Variants in NPAS2 observed in about 807,000 individuals in gnomAD.
NPAS2 encodes the protein neuronal PAS domain protein 2.
In NPAS2, 23 loss-of-function variants were observed where a neutral mutation model predicts 107.5. That is an observed-to-expected ratio of 0.21 (90% confidence interval 0.15 to 0.30). NPAS2 has a LOEUF of 0.30. NPAS2 is among the 10% of genes least tolerant of loss of function. NPAS2 has a pLI of 1.00. For synonymous variants in NPAS2, 403 were observed against 417.5 expected, an observed-to-expected ratio of 0.97 and a Z score of 0.42; for missense variants, 756 against 1,043.3, an observed-to-expected ratio of 0.72 and a Z score of 3.79.
chr2:100,884,066 C>A (rs535818328), intron 1 of NPAS2, among the ~76,000 whole-genome samples: 1 of 152,178 alleles, frequency 6.6e-6, no homozygotes, highest in Admixed American at 6.5e-5. Flanking sequence ...CCCTCCAAAA[C>A]CGGGGGCAGG....
chr2:100,889,398 T>C (rs762193755), intron 1 of NPAS2, among the ~76,000 whole-genome samples: 11 of 152,244 alleles, frequency 7.2e-5, no homozygotes, highest in Non-Finnish European at 1.6e-4. Flanking sequence ...CTGTATCCAG[T>C]GGCTCTTCTA....
chr2:100,853,494 A>T (rs1225705667), intron 1 of NPAS2, among the ~76,000 whole-genome samples: 1 of 152,100 alleles, frequency 6.6e-6, no homozygotes, highest in Non-Finnish European at 1.5e-5. Flanking sequence ...TGAGAATCTC[A>T]TGCATGGACA....
At position 100,976,501 on chromosome 2, in the gene NPAS2, C is replaced by T. The variant is rs1677019948; in HGVS notation, c.1392+934C>T. On this transcript the variant is annotated intron_variant, in intron 14 of 20. Coordinates refer to ENST00000335681, the MANE Select transcript of NPAS2 (RefSeq NM_002518.4). The surrounding 1 kb of genome is among the most constrained non-coding windows in gnomAD (Gnocchi z 4.1). ...GCTCACCCATGAAGAGGGATATAGA[C>T]CTCCACTTCTAGACGGGAGAAGTAC... Among the ~76,000 whole-genome samples the T allele has an allele frequency of 6.6e-6, 1 of 152,220 alleles. No individual in the cohort carries two copies. The highest frequency in any genetic ancestry group is 3.4e-3 in the Middle Eastern group (1 of 294).
chr2:100,846,231 T>G (rs913399479), intron 1 of NPAS2, among the ~76,000 whole-genome samples: 7 of 152,246 alleles, frequency 4.6e-5, no homozygotes, highest in African/African-American at 1.7e-4. Flanking sequence ...TCATTGGTAG[T>G]CAAGGGAGAC....
At chr2:100,917,555 C>A (rs1682965768) in intron 2 of NPAS2, among the ~76,000 whole-genome samples, 2 of 151,690 alleles carry the variant, frequency 1.3e-5, no homozygotes, top group South Asian at 2.1e-4. Flanking sequence ...AATAAAAGTT[C>A]AATAAAATTG....
At chr2:100,906,337 TATGG>T (rs1682144919) in intron 2 of NPAS2, among the ~76,000 whole-genome samples, 1 of 152,158 alleles carries the variant, frequency 6.6e-6, no homozygotes, top group Non-Finnish European at 1.5e-5. Flanking sequence ...CCAGCATAGC[TATGG>T]ATGGAGCGCT....
chr2:100,866,009 G>A (rs529343280), intron 1 of NPAS2, among the ~76,000 whole-genome samples: 1 of 152,192 alleles, frequency 6.6e-6, no homozygotes, highest in African/African-American at 2.4e-5. Context: ...AGGGTGACCC[G>A]CCCCTCTTCA....
At chr2:100,882,274 G>T (rs553341999) in intron 1 of NPAS2, among the ~76,000 whole-genome samples, 1 of 152,196 alleles carries the variant, frequency 6.6e-6, no homozygotes, top group South Asian at 2.1e-4. Flanking sequence ...CACATTTGTG[G>T]ATTTGCGTAA....
chr2:100,992,393 G>C (rs926240866), intron 19 of NPAS2, among the ~76,000 whole-genome samples: 2 of 152,190 alleles, frequency 1.3e-5, no homozygotes, highest in Admixed American at 6.5e-5. Flanking sequence ...GTTAAATGTC[G>C]GCTCTGTGTC....
chr2:100,824,760 A>T (rs750013165), intron 1 of NPAS2, among the ~76,000 whole-genome samples: 4 of 152,206 alleles, frequency 2.6e-5, no homozygotes, highest in Non-Finnish European at 4.4e-5. Context: ...CTGATTTTTT[A>T]AAATATATTT....
intron 4 of NPAS2, among the ~76,000 whole-genome samples, chr2:100,936,681 T>C (rs1180667321): frequency 6.6e-6 from 1 of 151,996 alleles, no homozygotes; most frequent in African/African-American, 2.4e-5. Context: ...CAATAAACAA[T>C]CTAAAACCAG....
Position 100,976,420 on chromosome 2 carries a change from C to A in NPAS2, c.1392+853C>A, listed in dbSNP as rs1677013223. ...AACCATGCAGACCTCTGTGACCTAG[C>A]CACGGAAGTCATATAGTATCACCAC... is the stretch of plus-strand genomic sequence containing the variant. On this transcript the variant is annotated intron_variant, in intron 14 of 20. Coordinates refer to ENST00000335681, the MANE Select transcript of NPAS2 (RefSeq NM_002518.4). The surrounding 1 kb of genome is among the most constrained non-coding windows in gnomAD (Gnocchi z 4.1). Among the ~76,000 whole-genome samples, 1 of 152,070 alleles carries A rather than the reference C, an allele frequency of 6.6e-6. No homozygotes were observed. The highest frequency in any genetic ancestry group is 2.4e-5 in the African/African-American group (1 of 41,398).
At chr2:100,879,112 CAAAAAAAAAGAAA>C (rs1282707549) in intron 1 of NPAS2, among the ~76,000 whole-genome samples, 1 of 84,298 alleles carries the variant, frequency 1.2e-5, no homozygotes, top group Non-Finnish European at 2.5e-5. Context: ...GACTCTGTCT[CAAAAAAAAAGAAA>C]AAAAAAAAAA....
intron 12 of NPAS2, among the ~76,000 whole-genome samples, chr2:100,971,368 C>T (rs1224976562): frequency 1.3e-5 from 2 of 151,790 alleles, no homozygotes; most frequent in African/African-American, 4.8e-5. Context: ...AAGCACGGCT[C>T]GGCGACTTTC....
chr2:100,840,616 A>G (rs1229017103), intron 1 of NPAS2, among the ~76,000 whole-genome samples: 2 of 150,522 alleles, frequency 1.3e-5, no homozygotes, highest in African/African-American at 2.4e-5. Context: ...TTTTTTTTTA[A>G]TCTTAACCCC....
At chr2:100,991,269 G>A (rs894312079) in intron 19 of NPAS2, among the ~76,000 whole-genome samples, 2 of 152,074 alleles carry the variant, frequency 1.3e-5, no homozygotes, top group East Asian at 3.9e-4. Context: ...ACCGTGCTCG[G>A]GCCCGTCTCT....
rs1345418710 is a variant in NPAS2, at chr2:100,857,292, CCTT to C, written c.-23+36881_-23+36883del. Among the ~76,000 whole-genome samples the C allele has an allele frequency of 5.1e-5, 7 of 138,550 alleles. No homozygotes were observed. The East Asian group carries it at 1.4e-3, about 28-fold the overall frequency. The allele number at this position is 138,550 out of a possible 152,430, so 90.9% of individuals were successfully genotyped here. A position where few individuals can be genotyped will look rare whatever the true frequency, so the allele number is the denominator to read the frequency against. On this transcript the variant is annotated intron_variant, in intron 1 of 20. Coordinates refer to ENST00000335681, the MANE Select transcript of NPAS2 (RefSeq NM_002518.4). ...CAGCCTGGGCGACAAGAGTGAAACT[CCTT>C]CTCAAAAAAAAAAAAAAAAAAAGAT...
rs1454178098 is a variant in NPAS2 at position 100,996,752 on chromosome 2, A to G, written c.*1170A>G. On this transcript the variant is annotated 3_prime_UTR_variant, in exon 21 of 21. Coordinates refer to ENST00000335681, the MANE Select transcript of NPAS2 (RefSeq NM_002518.4). ...ATCTGAGATACCAGTTCCTTTTCCC[A>G]AATATAAAAGTATAAAAGTTTTCTT... 6.6e-6 allele frequency: 1 copy of G among 152,528 alleles called. No homozygotes were observed. Among genetic ancestry groups the G allele is most frequent in the Non-Finnish European group, 1.5e-5 (1 of 68,046 alleles). 9.4% of individuals were successfully genotyped at this position (152,528 alleles called of 1,614,324 possible). A position where few individuals can be genotyped will look rare whatever the true frequency, so the allele number is the denominator to read the frequency against.
intron 1 of NPAS2, among the ~76,000 whole-genome samples, chr2:100,859,924 C>G (rs1223765510): frequency 6.6e-6 from 1 of 152,160 alleles, no homozygotes; most frequent in Non-Finnish European, 1.5e-5. Flanking sequence ...CTGTTTTTTA[C>G]TAAACCATTT....
Sources: gnomAD v4.1 joint callset for allele counts (sites outside exome capture counted in the v4.1 genomes callset) on GRCh38, gnomAD v4.1.1 for gene constraint, Gnocchi (gnomAD v3.1) non-coding constraint, MANE v1.5 for transcripts, NCBI Gene and HGNC (gene_info 2026-07-23, HGNC 2026-07-21) for gene names.